SPTBN1: variants seen among roughly 807,000 people sequenced by gnomAD.
The protein encoded by SPTBN1 is spectrin beta, non-erythrocytic 1, also known as spectrin beta chain, non-erythrocytic 1.
A neutral mutation model predicts 266.4 loss-of-function variants in SPTBN1; 32 were observed. That is an observed-to-expected ratio of 0.12 (90% CI 0.09 to 0.16). The LOEUF is 0.16. Ranked by LOEUF, SPTBN1 falls within the 10% of genes least tolerant of loss-of-function variation. The probability of loss-of-function intolerance (pLI) is 1.00; values close to 1 mark genes in which losing one functional copy is unlikely to be tolerated. For missense variants in SPTBN1, 2,296 were observed against 3,067.1 expected (o/e 0.75, Z 5.94); for synonymous variants, 1,336 against 1,162.2 (o/e 1.15, Z -3.04).
Position 54,478,300 on chromosome 2 carries a change from T to A in SPTBN1, c.-48+21782T>A, listed in dbSNP as rs143993816. Among the ~76,000 whole-genome samples, 214 of 152,226 alleles carry A rather than the reference T, an allele frequency of 1.4e-3. 2 individuals carry two copies. Among genetic ancestry groups the A allele is most frequent in the Middle Eastern group, 6.8e-3 (2 of 294 alleles). ...GTGTCAGGTTCCAGTGATGGTAGCC[T>A]TGGAGTAAGTCTGCCTTTGAGAGAG... On this transcript the variant is annotated intron_variant, in intron 1 of 35. Coordinates refer to ENST00000356805, the MANE Select transcript of SPTBN1 (RefSeq NM_003128.3).
At chr2:54,596,765 C>A (rs967507166) in intron 2 of SPTBN1, among the ~76,000 whole-genome samples, 1 of 152,168 alleles carries the variant, frequency 6.6e-6, no homozygotes, top group Non-Finnish European at 1.5e-5. Context: ...GGAGCCCTCC[C>A]GGCACAGATC....
At position 54,629,994 on chromosome 2, in the gene SPTBN1, G is replaced by A. The variant is rs940425629; in HGVS notation, c.2772G>A (p.Lys924=). The part of the protein sequence containing the change: ...QLMHSGHPSE[K]EIKAQQDKLN... ...TGCACAGCGGCCACCCAAGTGAGAA[G>A]GAAATCAAAGCCCAGCAGGACAAAC... Residue 924 remains lysine (K), a synonymous_variant, in exon 15 of 36, where the codon AAG becomes AAA. Coordinates refer to ENST00000356805, the MANE Select transcript of SPTBN1 (RefSeq NM_003128.3). 1.9e-6 allele frequency: 3 copies of A among 1,614,000 alleles called. No homozygotes were observed. Among genetic ancestry groups the A allele is most frequent in the East Asian group, 2.2e-5 (1 of 44,892 alleles).
rs549608952 is a variant in SPTBN1, at chr2:54,554,194, A to G, written c.148+27628A>G. On this transcript the variant is annotated intron_variant, in intron 2 of 35. Coordinates refer to ENST00000356805, the MANE Select transcript of SPTBN1 (RefSeq NM_003128.3). This position sits in a 1 kb window ranked among gnomAD's most constrained non-coding sequence, Gnocchi z 4.5. ...ATTTTTCAGAAAAGCTTAGAAACCC[A>G]TAGTAAGCTGGATATACTCTGAGCA... 3.9e-5 allele frequency among the ~76,000 whole-genome samples: 6 copies of G among 152,294 alleles called. No homozygotes were observed. The highest frequency in any genetic ancestry group is 1.3e-4 in the Admixed American group (2 of 15,304).
At chr2:54,566,313 G>A (rs1673658549) in intron 2 of SPTBN1, among the ~76,000 whole-genome samples, 1 of 150,244 alleles carries the variant, frequency 6.7e-6, no homozygotes, top group African/African-American at 2.5e-5. Flanking sequence ...TCAGCCTCCC[G>A]AGTAGCTGGG....
At chr2:54,589,030 G>GA (rs973194201) in intron 2 of SPTBN1, among the ~76,000 whole-genome samples, 6 of 152,132 alleles carry the variant, frequency 3.9e-5, no homozygotes, top group African/African-American at 1.4e-4. Context: ...ACATCGTGGA[G>GA]AATGGGATAT....
intron 1 of SPTBN1, among the ~76,000 whole-genome samples, chr2:54,472,335 T>C (rs1017626932): frequency 2.0e-5 from 3 of 152,168 alleles, no homozygotes; most frequent in Non-Finnish European, 4.4e-5. Flanking sequence ...CCTGAAGATT[T>C]TTTTTAAAAG....
chr2:54,600,223 T>G (rs570702543), intron 3 of SPTBN1, among the ~76,000 whole-genome samples: 3 of 152,216 alleles, frequency 2.0e-5, no homozygotes, highest in Non-Finnish European at 2.9e-5. Flanking sequence ...CTATTTGTTA[T>G]CAGCTCAGAG....
At chr2:54,546,958 TA>T (rs71975342) in intron 2 of SPTBN1, among the ~76,000 whole-genome samples, 57,348 of 144,032 alleles carry the variant, frequency 0.4, 11,949 homozygotes, top group East Asian at 0.6. Flanking sequence ...TTAATGGTGG[TA>T]AAAAAAAAAA....
At chr2:54,667,514 C>T (rs1315693868) in intron 34 of SPTBN1, 90 bp from the exon 35 acceptor site, 2 of 1,270,510 alleles carry the variant, frequency 1.6e-6, no homozygotes, top group Non-Finnish European at 2.3e-6. Flanking sequence ...CTCCTGTGGT[C>T]TACTTCTGTC....
chr2:54,548,412 C>T (rs1672374055), intron 2 of SPTBN1, among the ~76,000 whole-genome samples: 1 of 152,124 alleles, frequency 6.6e-6, no homozygotes, highest in African/African-American at 2.4e-5. Flanking sequence ...GCAAGTTGGA[C>T]ATCAGAGAAC....
In SPTBN1 at chr2:54,472,022, GTTTTTTTTTT is replaced by G. The variant is rs768988675; in HGVS notation, c.-48+15518_-48+15527del. Among the ~76,000 whole-genome samples, 35 of 66,806 alleles carry G rather than the reference GTTTTTTTTTT, an allele frequency of 5.2e-4. 2 individuals carry two copies. Among genetic ancestry groups the G allele is most frequent in the African/African-American group, 1.8e-3 (28 of 15,624 alleles). The allele number at this position is 66,806 out of a possible 152,430, so 43.8% of individuals were successfully genotyped here. A position where few individuals can be genotyped will look rare whatever the true frequency, so the allele number is the denominator to read the frequency against. ...GAATAAAAACTGGGGCCCTGAAGAT[GTTTTTTTTTT>G]TTTTTTTTTTTTTGAGACTGAGTCT... On this transcript the variant is annotated intron_variant, in intron 1 of 35. Coordinates refer to ENST00000356805, the MANE Select transcript of SPTBN1 (RefSeq NM_003128.3).
intron 2 of SPTBN1, among the ~76,000 whole-genome samples, chr2:54,562,905 C>T (rs936258017): frequency 6.6e-6 from 1 of 152,184 alleles, no homozygotes; most frequent in East Asian, 1.9e-4. Flanking sequence ...TCCAATTATT[C>T]CATAAAGTTT....
At chr2:54,610,722 A>G (rs573477633) in intron 3 of SPTBN1, among the ~76,000 whole-genome samples, 26 of 152,368 alleles carry the variant, frequency 1.7e-4, no homozygotes, top group Admixed American at 1.2e-3. Flanking sequence ...CTCAATCTAC[A>G]ATACATAGCA....
chr2:54,623,352 A>G, intron 9 of SPTBN1, 127 bp from the exon 10 acceptor site: 2 of 782,872 alleles, frequency 2.6e-6, no homozygotes, highest in Non-Finnish European at 4.3e-6. Context: ...CCAATAAGCA[A>G]CCTACTGATG....
chr2:54,626,810 G>A lies in SPTBN1; in HGVS notation c.1644+576G>A, dbSNP rs2103904982. ...TGCGGTAGTATGTGCACAGATCATG[G>A]GATGGGCTGGATGGCAGTGGCTGGT... On this transcript the variant is annotated intron_variant, in intron 12 of 35. Transcript: ENST00000356805. The surrounding 1 kb of genome is among the most constrained non-coding windows in gnomAD (Gnocchi z 4.7). 6.6e-6 allele frequency among the ~76,000 whole-genome samples: 1 copy of A among 152,314 alleles called. No homozygotes were observed. Among genetic ancestry groups the A allele is most frequent in the South Asian group, 2.1e-4 (1 of 4,824 alleles).
chr2:54,641,809 C>A (rs1679585576), intron 18 of SPTBN1, among the ~76,000 whole-genome samples: 1 of 152,132 alleles, frequency 6.6e-6, no homozygotes, highest in African/African-American at 2.4e-5. Flanking sequence ...AAAAACAAAT[C>A]TCGGGGAGCC....
At chr2:54,532,055 C>T (rs1382394125) in intron 2 of SPTBN1, among the ~76,000 whole-genome samples, 2 of 152,170 alleles carry the variant, frequency 1.3e-5, no homozygotes, top group Middle Eastern at 3.4e-3. Context: ...TTTGGGAGGC[C>T]GAGGCTGGTG....
chr2:54,622,226 T>A, intron 8 of SPTBN1, 74 bp from the exon 9 acceptor site: 83 of 1,410,294 alleles, frequency 5.9e-5, no homozygotes, highest in East Asian at 2.2e-4. Context: ...GTGCATGCAC[T>A]CGTATAGGGT....
chr2:54,472,709 G>A (rs1693993111), intron 1 of SPTBN1, among the ~76,000 whole-genome samples: 1 of 152,054 alleles, frequency 6.6e-6, no homozygotes, highest in Admixed American at 6.6e-5. Flanking sequence ...CCTGGGTGGG[G>A]CTGGGGCTGC....
Sources: gnomAD v4.1 joint callset for allele counts (sites outside exome capture counted in the v4.1 genomes callset) on GRCh38, gnomAD v4.1.1 for gene constraint, Gnocchi (gnomAD v3.1) non-coding constraint, MANE v1.5 for transcripts, NCBI Gene and HGNC (gene_info 2026-07-23, HGNC 2026-07-21) for gene names.